Variants in GRM7 observed in about 807,000 individuals in gnomAD.
GRM7 encodes the protein glutamate metabotropic receptor 7.
A neutral mutation model predicts 84.5 loss-of-function variants in GRM7; 35 were observed. The observed-to-expected ratio is 0.41, with a 90% confidence interval of 0.32 to 0.55. GRM7 has a LOEUF of 0.55. Ranked by LOEUF, GRM7 falls within the 20% of genes least tolerant of loss-of-function variation. GRM7 has a pLI of 0.19. For synonymous variants in GRM7, 487 were observed against 455.1 expected (o/e 1.07, Z -0.89); for missense variants, 1,003 against 1,194.6 (o/e 0.84, Z 2.36).
At chr3:7,416,531 G>A (rs540177791) in intron 5 of GRM7, among the ~76,000 whole-genome samples, 76 of 152,172 alleles carry the variant, frequency 5.0e-4, no homozygotes, top group African/African-American at 1.7e-3. Context: ...CATGGTATCA[G>A]GAACACCATG....
intron 4 of GRM7, among the ~76,000 whole-genome samples, chr3:7,369,129 A>G (rs1694031411): frequency 6.6e-6 from 1 of 152,030 alleles, no homozygotes; most frequent in African/African-American, 2.4e-5. Context: ...ATCATAGTTC[A>G]CTACAGCTTT....
chr3:7,036,079 G>A (rs1696375929), intron 1 of GRM7, among the ~76,000 whole-genome samples: 1 of 152,156 alleles, frequency 6.6e-6, no homozygotes. Context: ...CAGGGAACTG[G>A]AGAAGGACAA....
At chr3:7,083,956 G>T (rs1343276564) in intron 1 of GRM7, among the ~76,000 whole-genome samples, 2 of 152,112 alleles carry the variant, frequency 1.3e-5, no homozygotes, top group African/African-American at 2.4e-5. Flanking sequence ...GCATCCTTCA[G>T]TGTAGCTGGG....
At chr3:7,367,770 A>T (rs1040771612) in intron 4 of GRM7, among the ~76,000 whole-genome samples, 1 of 151,932 alleles carries the variant, frequency 6.6e-6, no homozygotes, top group Non-Finnish European at 1.5e-5. Context: ...ATGTTCTGAA[A>T]AGAGTCCAGA....
At chr3:6,889,051 A>G (rs1695822219) in intron 1 of GRM7, among the ~76,000 whole-genome samples, 2 of 152,098 alleles carry the variant, frequency 1.3e-5, no homozygotes, top group Admixed American at 6.5e-5. Context: ...TTTGTGTATA[A>G]GAATGCTTGT....
At chr3:7,196,535 GT>G (rs1695885262) in intron 2 of GRM7, among the ~76,000 whole-genome samples, 1 of 152,012 alleles carries the variant, frequency 6.6e-6, no homozygotes, top group Admixed American at 6.6e-5. Flanking sequence ...ACAAATTTCT[GT>G]TTCCTGCTTT....
chr3:7,011,950 A>T (rs1695384514), intron 1 of GRM7, among the ~76,000 whole-genome samples: 1 of 152,182 alleles, frequency 6.6e-6, no homozygotes, highest in African/African-American at 2.4e-5. Flanking sequence ...TTGCAAATGA[A>T]GGTTCCTAGA....
intron 4 of GRM7, among the ~76,000 whole-genome samples, chr3:7,331,308 G>A (rs1367889264): frequency 6.6e-6 from 1 of 152,180 alleles, no homozygotes; most frequent in East Asian, 1.9e-4. Flanking sequence ...TCAAAAGAGT[G>A]TCATGATGGA....
chr3:7,365,645 G>GTATATA (rs201115893), intron 4 of GRM7, among the ~76,000 whole-genome samples: 1,676 of 123,758 alleles, frequency 0.014, 40 homozygotes, highest in Admixed American at 0.053. Flanking sequence ...GTGTGCGTGT[G>GTATATA]TGTATATATA....
At chr3:7,305,343 CTTT>C (rs1258984449) in intron 3 of GRM7, among the ~76,000 whole-genome samples, 1 of 34,982 alleles carries the variant, frequency 2.9e-5, no homozygotes, top group Non-Finnish European at 1.0e-4. Context: ...TTTTTTTTTT[CTTT>C]TTTTTTTTTT....
chr3:7,574,161 C>CT lies in GRM7; in HGVS notation c.1516-4245dup, dbSNP rs3034008. On this transcript the variant is annotated intron_variant, in intron 7 of 9. Transcript: ENST00000357716. ...TTGTGAGCTTTGTGTCTTAGGCTTG[C>CT]TTTTTTTTTTTTTTTTGAGATGGAG... Among the ~76,000 whole-genome samples, 1,134 of 133,648 alleles carry CT rather than the reference C, an allele frequency of 8.5e-3. 13 individuals carry two copies. Among genetic ancestry groups the CT allele is most frequent in the Non-Finnish European group, 0.012 (738 of 62,166 alleles). The allele number at this position is 133,648 out of a possible 152,430, so 87.7% of individuals were successfully genotyped here.
chr3:7,029,309 A>AC (rs1696099140), intron 1 of GRM7, among the ~76,000 whole-genome samples: 2 of 107,240 alleles, frequency 1.9e-5, no homozygotes, highest in East Asian at 2.6e-4. Context: ...CTCAAAAAAA[A>AC]AAAAACAAAA....
intron 2 of GRM7, among the ~76,000 whole-genome samples, chr3:7,165,119 GA>G (rs1694757029): frequency 6.6e-6 from 1 of 152,168 alleles, no homozygotes; most frequent in South Asian, 2.1e-4. Context: ...TTCCTCATTT[GA>G]GATATTGTGG....
intron 4 of GRM7, among the ~76,000 whole-genome samples, chr3:7,376,771 A>T (rs1379807456): frequency 1.3e-5 from 2 of 152,120 alleles, no homozygotes; most frequent in Non-Finnish European, 2.9e-5. Flanking sequence ...ACAGAAAAGA[A>T]AATTGCTGAC....
intron 9 of GRM7, among the ~76,000 whole-genome samples, chr3:7,711,007 C>G (rs1012062233): frequency 2.0e-5 from 3 of 152,184 alleles, no homozygotes; most frequent in Admixed American, 6.5e-5. Flanking sequence ...TCCCACAGCC[C>G]TGAAACTGCC....
chr3:7,683,887 G>A (rs1318723058), intron 9 of GRM7, among the ~76,000 whole-genome samples: 2 of 152,074 alleles, frequency 1.3e-5, no homozygotes, highest in Non-Finnish European at 2.9e-5. Context: ...AGTCCACATT[G>A]GATATAGCTC....
intron 8 of GRM7, among the ~76,000 whole-genome samples, chr3:7,605,174 C>G (rs1291030057): frequency 6.6e-6 from 1 of 152,002 alleles, no homozygotes; most frequent in Admixed American, 6.6e-5. Context: ...TCCTCAGGGC[C>G]ATAAGAGGGT....
chr3:7,361,348 C>T (rs1395110920), intron 4 of GRM7, among the ~76,000 whole-genome samples: 1 of 152,084 alleles, frequency 6.6e-6, no homozygotes, highest in African/African-American at 2.4e-5. Flanking sequence ...AAGAACAAAG[C>T]AAGTCTAGAC....
intron 5 of GRM7, among the ~76,000 whole-genome samples, chr3:7,430,509 C>T (rs969217243): frequency 1.3e-5 from 2 of 152,202 alleles, no homozygotes; most frequent in Non-Finnish European, 2.9e-5. Context: ...GCACTTTATG[C>T]GTCGCTGTTA....
Sources: allele counts gnomAD v4.1 joint callset (sites outside exome capture counted in the v4.1 genomes callset), GRCh38; gene constraint gnomAD v4.1.1; transcripts MANE v1.5; gene names NCBI Gene and HGNC (gene_info 2026-07-23, HGNC 2026-07-21).